Variants in PDE10A observed in about 807,000 individuals in gnomAD.
The protein encoded by PDE10A is cAMP and cAMP-inhibited cGMP 3',5'-cyclic phosphodiesterase 10A.
In PDE10A, 39 loss-of-function variants were observed where a neutral mutation model predicts 97.7. The ratio of observed to expected loss-of-function variants is 0.40; its 90% CI spans 0.31 to 0.52. The LOEUF is 0.52. Ranked by LOEUF, PDE10A falls within the 20% of genes least tolerant of loss-of-function variation. The pLI, the probability that PDE10A is intolerant of heterozygous loss-of-function variation, is 0.56. For missense variants in PDE10A, 731 were observed against 1,047.8 expected (o/e 0.70, Z 4.17); for synonymous variants, 371 against 376.8 (o/e 0.98, Z 0.18).
chr6:165,739,725 C>T (rs1201261923), intron 1 of PDE10A, among the ~76,000 whole-genome samples: 5 of 152,042 alleles, frequency 3.3e-5, no homozygotes, highest in African/African-American at 1.2e-4. Context: ...ACCATACATC[C>T]TATAAGGGGT....
chr6:165,638,075 C>G (rs1428506397), intron 1 of PDE10A, among the ~76,000 whole-genome samples: 1 of 152,106 alleles, frequency 6.6e-6, no homozygotes, highest in Non-Finnish European at 1.5e-5. Flanking sequence ...GTCAGAAATT[C>G]TCTGTGCTGG....
At chr6:165,436,616 G>A (rs220818) in intron 5 of PDE10A, among the ~76,000 whole-genome samples, 116,208 of 152,122 alleles carry the variant, frequency 0.76, 44,777 homozygotes, top group Middle Eastern at 0.9. Context: ...TATTAAGTAC[G>A]ATGCATGTGA....
chr6:165,699,222 T>C (rs1419791437), intron 1 of PDE10A, among the ~76,000 whole-genome samples: 1 of 152,164 alleles, frequency 6.6e-6, no homozygotes, highest in African/African-American at 2.4e-5. Context: ...TAAACTTTAA[T>C]ACAAAAAATG....
chr6:165,891,678 G>A (rs1443054323), intron 1 of PDE10A, among the ~76,000 whole-genome samples: 3 of 151,244 alleles, frequency 2.0e-5, no homozygotes, highest in Non-Finnish European at 4.4e-5. Flanking sequence ...TGGTGGGAGT[G>A]CAGTGTTGTC....
intron 1 of PDE10A, among the ~76,000 whole-genome samples, chr6:165,941,729 T>C (rs891573288): frequency 2.6e-5 from 4 of 152,180 alleles, no homozygotes; most frequent in African/African-American, 7.2e-5. Context: ...CCCTAAAAAC[T>C]GAACAGATGC....
At chr6:165,578,929 C>T (rs1785464971) in intron 1 of PDE10A, among the ~76,000 whole-genome samples, 1 of 152,168 alleles carries the variant, frequency 6.6e-6, no homozygotes, top group African/African-American at 2.4e-5. Context: ...AAGCAACAGA[C>T]TAAGTGAGAT....
chr6:165,949,899 G>A (rs569042269), intron 1 of PDE10A: 1 of 152,262 alleles, frequency 6.6e-6, no homozygotes, highest in Admixed American at 6.5e-5. Context: ...GTTGATGATA[G>A]GAAGTAAAAT....
In PDE10A at chr6:165,413,692, G is replaced by C; in HGVS notation, c.1890-5C>G. On this transcript the variant is annotated splice_polypyrimidine_tract_variant and splice_region_variant and intron_variant, in intron 12 of 21. Transcript: ENST00000539869. ...CCTGTGTACAAGTCTACTTCTCTGT[G>C]GGGTGACAGAACCAAAAATAACAAC... 1.2e-6 allele frequency: 2 copies of C among 1,604,732 alleles called. No homozygotes were observed. Among genetic ancestry groups the C allele is most frequent in the Non-Finnish European group, 1.7e-6 (2 of 1,174,194 alleles).
chr6:165,720,070 A>G (rs781614856), intron 1 of PDE10A, among the ~76,000 whole-genome samples: 2 of 152,226 alleles, frequency 1.3e-5, no homozygotes, highest in Non-Finnish European at 2.9e-5. Context: ...CTAAAGAAAC[A>G]AAGTAATTAT....
chr6:165,471,195 A>C (rs1246612905), intron 3 of PDE10A, among the ~76,000 whole-genome samples: 1 of 152,108 alleles, frequency 6.6e-6, no homozygotes, highest in African/African-American at 2.4e-5. Context: ...TATTTTAAAT[A>C]ATTTTTTATT....
At chr6:165,494,783 C>T (rs1324206606) in intron 2 of PDE10A, among the ~76,000 whole-genome samples, 1 of 152,070 alleles carries the variant, frequency 6.6e-6, no homozygotes, top group African/African-American at 2.4e-5. Context: ...AAGTAGCCTG[C>T]TTTCTGTGCT....
chr6:165,512,538 G>A (rs1396122012), intron 2 of PDE10A, among the ~76,000 whole-genome samples: 1 of 151,776 alleles, frequency 6.6e-6, no homozygotes, highest in Non-Finnish European at 1.5e-5. Flanking sequence ...GTCTGACAGG[G>A]GTTGCAAATA....
chr6:165,500,287 AAGAGAG>A (rs555659348), intron 2 of PDE10A, among the ~76,000 whole-genome samples: 5 of 152,274 alleles, frequency 3.3e-5, no homozygotes, highest in African/African-American at 7.2e-5. Context: ...TTGTGCAGAA[AAGAGAG>A]AGAGATCAGA....
intron 1 of PDE10A, among the ~76,000 whole-genome samples, chr6:165,754,896 A>G (rs1029666437): frequency 1.3e-5 from 2 of 152,242 alleles, no homozygotes; most frequent in African/African-American, 4.8e-5. Flanking sequence ...ATATCAGATC[A>G]TTTAATCAAT....
chr6:165,897,137 T>C (rs1301981494), intron 1 of PDE10A, among the ~76,000 whole-genome samples: 1 of 152,148 alleles, frequency 6.6e-6, no homozygotes, highest in East Asian at 1.9e-4. Flanking sequence ...AAACGGAACT[T>C]CCTGGTGTCC....
At chr6:165,419,332 T>A (rs1303784880) in intron 10 of PDE10A, among the ~76,000 whole-genome samples, 1 of 152,236 alleles carries the variant, frequency 6.6e-6, no homozygotes, top group Admixed American at 6.5e-5. Context: ...TAAAAATTTG[T>A]ACAGATTATT....
chr6:165,816,275 A>G (rs1779409473), intron 1 of PDE10A, among the ~76,000 whole-genome samples: 1 of 152,188 alleles, frequency 6.6e-6, no homozygotes, highest in Non-Finnish European at 1.5e-5. Flanking sequence ...AAAGCTGCCC[A>G]TTCCCAGATA....
intron 13 of PDE10A, among the ~76,000 whole-genome samples, chr6:165,410,983 A>T (rs544521317): frequency 1.2e-5 from 1 of 81,814 alleles, no homozygotes; most frequent in African/African-American, 7.0e-5. Context: ...GCTACTCGGG[A>T]GGCTGAGGCA....
At chr6:165,943,346 G>GAGAAAGAA (rs1554343647) in intron 1 of PDE10A, among the ~76,000 whole-genome samples, 3 of 79,576 alleles carry the variant, frequency 3.8e-5, no homozygotes, top group African/African-American at 1.7e-4. Flanking sequence ...AGAAAGAAAA[G>GAGAAAGAA]AGAAAGAAAG....
Sources: gnomAD v4.1 joint callset for allele counts (sites outside exome capture counted in the v4.1 genomes callset) on GRCh38, gnomAD v4.1.1 for gene constraint, MANE v1.5 for transcripts, NCBI Gene and HGNC (gene_info 2026-07-23, HGNC 2026-07-21) for gene names.